The following SLC38A9 variants were observed in gnomAD, a reference collection of about 807,000 sequenced individuals.
SLC38A9 encodes the protein solute carrier family 38 member 9.
A neutral mutation model predicts 62.3 loss-of-function variants in SLC38A9; 48 were observed. The ratio of observed to expected loss-of-function variants is 0.77; its 90% CI spans 0.61 to 0.98. SLC38A9 has a LOEUF of 0.98. SLC38A9 is among the 50% of genes least tolerant of loss of function. The pLI is 0.00. For missense variants in SLC38A9, 541 were observed against 679.8 expected, an observed-to-expected ratio of 0.80 and a Z score of 2.27; for synonymous variants, 204 against 227.7, an observed-to-expected ratio of 0.90 and a Z score of 0.94.
At chr5:55,628,004 G>A (rs556036125) in intron 14 of SLC38A9, 24 bp from the exon 15 acceptor site, 3 of 1,543,858 alleles carry the variant, frequency 1.9e-6, no homozygotes, top group Non-Finnish European at 2.7e-6. Context: ...AGAGAGTTTG[G>A]AAGAAAGAAA....
At chr5:55,684,711 C>T (rs1753508999) in intron 3 of SLC38A9, among the ~76,000 whole-genome samples, 2 of 152,180 alleles carry the variant, frequency 1.3e-5, no homozygotes, top group South Asian at 2.1e-4. Flanking sequence ...TGGAGTGCAG[C>T]GGTGCAATCT....
chr5:55,645,103 C>G (rs1271908700), intron 12 of SLC38A9, among the ~76,000 whole-genome samples: 3 of 152,084 alleles, frequency 2.0e-5, no homozygotes, highest in African/African-American at 7.2e-5. Context: ...CTCTGTTGAC[C>G]GGGCTAGAGT....
At chr5:55,704,997 CT>C (rs1233157005) in intron 2 of SLC38A9, among the ~76,000 whole-genome samples, 1 of 152,068 alleles carries the variant, frequency 6.6e-6, no homozygotes, top group Non-Finnish European at 1.5e-5. Context: ...ATAGCTATCA[CT>C]TTTATTATGA....
At chr5:55,626,821 C>T (rs1429778433) in intron 15 of SLC38A9, among the ~76,000 whole-genome samples, 162 bp from the exon 16 acceptor site, 1 of 152,146 alleles carries the variant, frequency 6.6e-6, no homozygotes, top group Non-Finnish European at 1.5e-5. Context: ...TTAAAACTTA[C>T]TTTACTTGCT....
intron 15 of SLC38A9, among the ~76,000 whole-genome samples, chr5:55,627,588 A>C (rs940263103): frequency 6.6e-6 from 1 of 152,102 alleles, no homozygotes; most frequent in Non-Finnish European, 1.5e-5. Context: ...CATATATTAA[A>C]AATAACTTTT....
At chr5:55,641,354 G>C (rs1745422836) in intron 12 of SLC38A9, among the ~76,000 whole-genome samples, 1 of 152,080 alleles carries the variant, frequency 6.6e-6, no homozygotes, top group African/African-American at 2.4e-5. Flanking sequence ...TTCATCTTTT[G>C]TGCTTTCAAT....
chr5:55,628,687 G>T (rs778724299), intron 14 of SLC38A9, among the ~76,000 whole-genome samples: 1 of 152,122 alleles, frequency 6.6e-6, no homozygotes, highest in Non-Finnish European at 1.5e-5. Flanking sequence ...ACCACTTAAA[G>T]AAAGTGGTCA....
chr5:55,669,061 A>G, intron 7 of SLC38A9, 167 bp downstream of exon 7: 1 of 427,920 alleles, frequency 2.3e-6, no homozygotes, highest in Non-Finnish European at 4.1e-6. Context: ...CAGCCACTAA[A>G]TATTATTAGC....
At position 55,669,812 on chromosome 5, in the gene SLC38A9, T is replaced by C. The variant is rs1751003980; in HGVS notation, c.314A>G (p.Tyr105Cys). 1.2e-6 allele frequency: 2 copies of C among 1,613,870 alleles called. No individual in the cohort carries two copies. The highest frequency in any genetic ancestry group is 1.7e-6 in the Non-Finnish European group (2 of 1,179,928). The change falls in exon 5 of 16, where the codon TAT (tyrosine) becomes TGT (cysteine). Residue 105 changes from tyrosine (Y) to cysteine (C), a missense_variant. Physicochemically the swap from Tyr to Cys is radical, Grantham distance 194. Transcript: ENST00000396865. ...TCCTTCAGTGTAACTTTGAAGTTTA[T>C]AAGCAGAGCCCAATGGACTATACAC... ...CYVYSPLGSA[Y>C]KLQSYTEGYG...
chr5:55,670,035 G>A (rs1377295302), intron 4 of SLC38A9, among the ~76,000 whole-genome samples, 156 bp from the exon 5 acceptor site: 1 of 152,082 alleles, frequency 6.6e-6, no homozygotes. Flanking sequence ...CGCGATCTCG[G>A]CTCACTGCAA....
intron 2 of SLC38A9, among the ~76,000 whole-genome samples, chr5:55,707,515 G>A (rs921500816): frequency 5.9e-5 from 9 of 152,190 alleles, no homozygotes; most frequent in Middle Eastern, 6.8e-3. Context: ...CCAGCTACCC[G>A]GGAGGCTGAG....
intron 3 of SLC38A9, among the ~76,000 whole-genome samples, chr5:55,688,611 A>G (rs1050257678): frequency 6.6e-6 from 1 of 151,692 alleles, no homozygotes; most frequent in Non-Finnish European, 1.5e-5. Context: ...CGATCTCCTG[A>G]CCTCGTGATC....
intron 8 of SLC38A9, among the ~76,000 whole-genome samples, chr5:55,660,996 A>G (rs1749421749): frequency 6.9e-6 from 1 of 145,328 alleles, no homozygotes; most frequent in Admixed American, 6.9e-5. Context: ...GCATATTTGT[A>G]TATTAGAACT....
intron 1 of SLC38A9, among the ~76,000 whole-genome samples, 189 bp from the exon 2 acceptor site, chr5:55,711,688 G>C (rs1267724155): frequency 6.6e-6 from 1 of 152,132 alleles, no homozygotes; most frequent in African/African-American, 2.4e-5. Context: ...GGCCCAAAGG[G>C]GGTTCCTCCC....
chr5:55,697,884 C>A lies in SLC38A9; in HGVS notation c.75G>T (p.Met25Ile). The change falls in exon 3 of 16, where the codon ATG becomes ATT. Residue 25 changes from methionine (M) to isoleucine (I), a missense_variant. Coordinates refer to ENST00000396865, the MANE Select transcript of SLC38A9 (RefSeq NM_173514.4). ...EVDHERDPGP[M>I]NIQFEPSDLR... is the part of the protein sequence containing the mutation. ...GATCCGATGGCTCAAACTGGATATT[C>A]ATAGGTCCAGGATCTCTTTCATGAT... is the stretch of plus-strand genomic sequence containing the variant. The A allele has an allele frequency of 6.3e-7, 1 of 1,595,860 alleles. No individual in the cohort carries two copies. The highest frequency in any genetic ancestry group is 8.5e-7 in the Non-Finnish European group (1 of 1,174,196).
chr5:55,626,483 G>A lies in SLC38A9; in HGVS notation c.*11C>T. On this transcript the variant is annotated 3_prime_UTR_variant, in exon 16 of 16. Coordinates refer to ENST00000396865, the MANE Select transcript of SLC38A9 (RefSeq NM_173514.4). ...ATCATGAGAGCTCTTGAAAAAAACA[G>A]TTGAGGTATTTCACATAAAAAACTG... The A allele has an allele frequency of 1.2e-6, 2 of 1,605,902 alleles. No individual in the cohort carries two copies. Among genetic ancestry groups the A allele is most frequent in the Non-Finnish European group, 1.7e-6 (2 of 1,175,980 alleles).
At chr5:55,660,436 AT>A (rs1015076299) in intron 8 of SLC38A9, among the ~76,000 whole-genome samples, 18 of 152,168 alleles carry the variant, frequency 1.2e-4, no homozygotes, top group Admixed American at 3.9e-4. Flanking sequence ...TCAAAATGTA[AT>A]TAGGTTCTTT....
intron 2 of SLC38A9, chr5:55,704,581 G>A (rs145776773): frequency 1.2e-3 from 188 of 152,176 alleles, no homozygotes; most frequent in African/African-American, 4.4e-3. Context: ...ATATTGTAGG[G>A]AAGAACAGCA....
intron 3 of SLC38A9, among the ~76,000 whole-genome samples, chr5:55,691,547 T>A (rs576631350): frequency 3.9e-4 from 60 of 152,324 alleles, no homozygotes; most frequent in African/African-American, 1.4e-3. Flanking sequence ...GCTAGCTGGA[T>A]GGGCAACTTC....
Sources: allele counts gnomAD v4.1 joint callset (sites outside exome capture counted in the v4.1 genomes callset), GRCh38; gene constraint gnomAD v4.1.1; transcripts MANE v1.5; gene names NCBI Gene and HGNC (gene_info 2026-07-23, HGNC 2026-07-21).